The following TMEM117 variants were observed in gnomAD, a reference collection of about 807,000 sequenced individuals.
TMEM117 encodes the protein transmembrane protein 117.
A neutral mutation model predicts 52.4 loss-of-function variants in TMEM117; 27 were observed. The observed-to-expected ratio is 0.51, with a 90% CI of 0.38 to 0.71. The LOEUF (loss-of-function observed/expected upper bound fraction) is 0.71, where lower values mean the gene tolerates loss of function less well. TMEM117 is among the 30% of genes least tolerant of loss of function. The pLI, the probability that TMEM117 is intolerant of heterozygous loss-of-function variation, is 0.00. For synonymous variants in TMEM117, 215 were observed against 206.3 expected (o/e 1.04, Z -0.36); for missense variants, 556 against 630.5 (o/e 0.88, Z 1.26).
chr12:43,865,911 G>A (rs944073010), intron 2 of TMEM117, among the ~76,000 whole-genome samples: 1 of 151,566 alleles, frequency 6.6e-6, no homozygotes, highest in African/African-American at 2.4e-5. Context: ...ATAAAACAAT[G>A]TATCATCTAT....
intron 3 of TMEM117, among the ~76,000 whole-genome samples, chr12:44,005,593 G>A (rs1946181498): frequency 6.6e-6 from 1 of 152,170 alleles, no homozygotes; most frequent in Non-Finnish European, 1.5e-5. Context: ...AGGCTAAGAG[G>A]TCACAGCGCT....
intron 4 of TMEM117, among the ~76,000 whole-genome samples, chr12:44,169,580 A>G (rs1192419982): frequency 6.6e-6 from 1 of 152,150 alleles, no homozygotes. Flanking sequence ...AGTTATTTAT[A>G]TATTCTGGAC....
At chr12:44,009,528 G>T in intron 3 of TMEM117, 1 of 218,256 alleles carries the variant, frequency 4.6e-6, no homozygotes, top group South Asian at 9.3e-5. Context: ...AAAACCTGTT[G>T]AGCATACAAG....
intron 3 of TMEM117, among the ~76,000 whole-genome samples, chr12:44,116,697 G>T (rs1317505631): frequency 6.6e-6 from 1 of 152,110 alleles, no homozygotes; most frequent in Non-Finnish European, 1.5e-5. Context: ...TTGCTAATTT[G>T]GTGCATGGCA....
chr12:44,165,380 A>C (rs1948952461), intron 4 of TMEM117, among the ~76,000 whole-genome samples: 5 of 152,236 alleles, frequency 3.3e-5, no homozygotes. Flanking sequence ...AGTAAACTTC[A>C]ATCTGTTTAC....
intron 3 of TMEM117, among the ~76,000 whole-genome samples, chr12:44,044,043 G>A (rs1318649577): frequency 6.6e-6 from 1 of 152,186 alleles, no homozygotes; most frequent in Non-Finnish European, 1.5e-5. Context: ...TGTAGAGGAA[G>A]GAATCCAAAG....
chr12:44,367,539 T>C (rs1435455029), intron 6 of TMEM117, among the ~76,000 whole-genome samples: 1 of 152,094 alleles, frequency 6.6e-6, no homozygotes, highest in Admixed American at 6.6e-5. Context: ...AGGGAGTGCC[T>C]CAGTCAGTCC....
chr12:44,303,046 A>T (rs892413488), intron 6 of TMEM117, among the ~76,000 whole-genome samples: 13 of 146,414 alleles, frequency 8.9e-5, no homozygotes, highest in South Asian at 2.2e-4. Flanking sequence ...AAGGTATTGT[A>T]TTTTTTTTTT....
intron 3 of TMEM117, among the ~76,000 whole-genome samples, chr12:43,967,483 T>A (rs1245347159): frequency 6.6e-6 from 1 of 152,104 alleles, no homozygotes; most frequent in Non-Finnish European, 1.5e-5. Flanking sequence ...GCCCTCTCTC[T>A]GGGAGCCCTT....
intron 6 of TMEM117, among the ~76,000 whole-genome samples, chr12:44,342,275 A>C (rs1451424239): frequency 6.6e-6 from 1 of 152,158 alleles, no homozygotes; most frequent in African/African-American, 2.4e-5. Context: ...CAGCTTTACT[A>C]CATCTCTGCT....
At chr12:44,005,164 A>G (rs1481573119) in intron 3 of TMEM117, among the ~76,000 whole-genome samples, 1 of 152,228 alleles carries the variant, frequency 6.6e-6, no homozygotes, top group Non-Finnish European at 1.5e-5. Flanking sequence ...ACAAATTTGT[A>G]AACAAGATTA....
intron 5 of TMEM117, among the ~76,000 whole-genome samples, chr12:44,215,457 T>C (rs79260132): frequency 3.6e-4 from 55 of 151,536 alleles, no homozygotes; most frequent in Non-Finnish European, 7.5e-4. Context: ...CAAAGCCCTT[T>C]CCGTAGTCCT....
chr12:44,052,112 T>C lies in TMEM117; in HGVS notation c.411-91413T>C, dbSNP rs77858706. On this transcript the variant is annotated intron_variant, in intron 3 of 7. Coordinates refer to ENST00000266534, the MANE Select transcript of TMEM117 (RefSeq NM_032256.3). ...ATGTAGATTAAATATGTGTGGCACATAATAAAACAATACATATTAGCAATG... is the reference window on the plus strand; with the variant it reads ...ATGTAGATTAAATATGTGTGGCACACAATAAAACAATACATATTAGCAATG... Among the ~76,000 whole-genome samples the C allele has an allele frequency of 1.1e-3, 161 of 152,320 alleles. 1 individual carries two copies. Among genetic ancestry groups the C allele is most frequent in the African/African-American group, 3.6e-3 (151 of 41,566 alleles).
chr12:44,114,204 G>C (rs1430661457), intron 3 of TMEM117, among the ~76,000 whole-genome samples: 1 of 152,018 alleles, frequency 6.6e-6, no homozygotes, highest in Non-Finnish European at 1.5e-5. Context: ...GACCGGAGCT[G>C]TTCCTATTCG....
chr12:44,179,632 T>C (rs1243959016), intron 4 of TMEM117, among the ~76,000 whole-genome samples: 1 of 152,172 alleles, frequency 6.6e-6, no homozygotes, highest in Non-Finnish European at 1.5e-5. Flanking sequence ...TGCCCACCAA[T>C]TGGTGGGTCT....
At chr12:43,942,678 T>G (rs1394444389) in intron 2 of TMEM117, among the ~76,000 whole-genome samples, 3 of 152,116 alleles carry the variant, frequency 2.0e-5, no homozygotes, top group African/African-American at 7.2e-5. Flanking sequence ...GTTAGCCTAG[T>G]TTCCAAATGA....
At chr12:44,057,173 T>C (rs553222683) in intron 3 of TMEM117, among the ~76,000 whole-genome samples, 1 of 152,294 alleles carries the variant, frequency 6.6e-6, no homozygotes, top group East Asian at 1.9e-4. Context: ...CAGCTCCCTT[T>C]AGAAAAGGAA....
intron 5 of TMEM117, among the ~76,000 whole-genome samples, chr12:44,238,111 C>T (rs866662105): frequency 1.3e-5 from 2 of 152,250 alleles, no homozygotes; most frequent in Non-Finnish European, 2.9e-5. Context: ...ATTAAATTCT[C>T]ACATCTCTTA....
intron 5 of TMEM117, among the ~76,000 whole-genome samples, chr12:44,286,293 T>C (rs1412894318): frequency 6.6e-6 from 1 of 150,848 alleles, no homozygotes; most frequent in East Asian, 1.9e-4. Flanking sequence ...TAATAGTTAA[T>C]GTATTAAAAC....
Sources: allele counts gnomAD v4.1 joint callset (sites outside exome capture counted in the v4.1 genomes callset), GRCh38; gene constraint gnomAD v4.1.1; transcripts MANE v1.5; gene names NCBI Gene and HGNC (gene_info 2026-07-23, HGNC 2026-07-21).